The following NPHP4 variants were observed in gnomAD, a reference collection of about 807,000 sequenced individuals.
NPHP4 encodes the protein nephrocystin-4.
A neutral mutation model predicts 155.8 loss-of-function variants in NPHP4; 151 were observed. The observed-to-expected ratio is 0.97, with a 90% CI of 0.85 to 1.11. The LOEUF (loss-of-function observed/expected upper bound fraction) is 1.11, where lower values mean the gene tolerates loss of function less well. Ranked by LOEUF, NPHP4 falls within the 50% of genes least tolerant of loss-of-function variation. The pLI, the probability that NPHP4 is intolerant of heterozygous loss-of-function variation, is 0.00. For synonymous variants in NPHP4, 845 were observed against 816.8 expected, an observed-to-expected ratio of 1.03 and a Z score of -0.59; for missense variants, 1,956 against 1,925.7, an observed-to-expected ratio of 1.02 and a Z score of -0.29.
chr1:5,900,612 A>G (rs2101060741), intron 16 of NPHP4, among the ~76,000 whole-genome samples: 1 of 152,340 alleles, frequency 6.6e-6, no homozygotes, highest in Middle Eastern at 3.4e-3. Flanking sequence ...TGTATGATCC[A>G]TCATGGTGGA....
Position 5,905,265 on chromosome 1 carries a change from T to A in NPHP4, c.1955+27A>T, listed in dbSNP as rs1327034674. 2 of 1,570,248 alleles carry A rather than the reference T, an allele frequency of 1.3e-6. No individual in the cohort carries two copies. Among genetic ancestry groups the A allele is most frequent in the East Asian group, 2.2e-5 (1 of 44,614 alleles). On this transcript the variant is annotated intron_variant, in intron 15 of 29. Transcript: ENST00000378156. The surrounding 1 kb of genome is among the most constrained non-coding windows in gnomAD (Gnocchi z 4.0). The stretch of plus-strand genomic sequence containing the variant: ...CAACACAGGAAATGTGAAAGCCAGA[T>A]GAGTAACAGAATATTCAAGGATTTA...
At chr1:5,917,157 A>G (rs1557731333) in intron 11 of NPHP4, among the ~76,000 whole-genome samples, 1 of 151,964 alleles carries the variant, frequency 6.6e-6, no homozygotes, top group African/African-American at 2.4e-5. Context: ...CCAGCCCTTA[A>G]CCATACAGTC....
intron 10 of NPHP4, among the ~76,000 whole-genome samples, chr1:5,932,609 A>C (rs1646332178): frequency 6.6e-6 from 1 of 151,188 alleles, no homozygotes; most frequent in Non-Finnish European, 1.5e-5. Flanking sequence ...ACTTCGCTCT[A>C]CTTGTTTTTG....
Position 5,927,648 on chromosome 1 carries a change from C to A in NPHP4, c.1441+1G>T. 6.2e-7 allele frequency: 1 copy of A among 1,604,068 alleles called. No individual in the cohort carries two copies. Among genetic ancestry groups the A allele is most frequent in the Non-Finnish European group, 8.5e-7 (1 of 1,171,952 alleles). ...CCAGTCAGCTCTCTGGAAACACTTACTCGAAGGGGACGTGGGTGGTTTCCT... is the reference window on the plus strand; with the variant it reads ...CCAGTCAGCTCTCTGGAAACACTTAATCGAAGGGGACGTGGGTGGTTTCCT... On this transcript the variant is annotated splice_donor_variant, in intron 11 of 29. Coordinates refer to ENST00000378156, the MANE Select transcript of NPHP4 (RefSeq NM_015102.5). LOFTEE classifies it high-confidence loss of function.
chr1:5,945,892 ATC>A (rs1214433065), intron 9 of NPHP4, among the ~76,000 whole-genome samples: 1 of 148,790 alleles, frequency 6.7e-6, no homozygotes, highest in African/African-American at 2.5e-5. Context: ...GTGTGATTAG[ATC>A]TGGCATTGTC....
chr1:5,949,560 C>T (rs2101960134), intron 7 of NPHP4, among the ~76,000 whole-genome samples: 1 of 152,144 alleles, frequency 6.6e-6, no homozygotes, highest in South Asian at 2.1e-4. Context: ...GCCAGCTGCT[C>T]CCAGGAAGGG....
rs1642398528 is a variant in NPHP4 at position 5,874,790 on chromosome 1, G to A, written c.3044+84C>T. ...GTCAAATCGCCCCGGCTCTCGGGCA[G>A]AATTCGAGCCAGCTCAGCAGGGGTG... On this transcript the variant is annotated intron_variant, in intron 21 of 29. Coordinates refer to ENST00000378156, the MANE Select transcript of NPHP4 (RefSeq NM_015102.5). 12 of 1,539,486 alleles carry A rather than the reference G, an allele frequency of 7.8e-6. No individual in the cohort carries two copies. In the South Asian group the frequency reaches 1.2e-4, roughly 16 times the overall value.
intron 23 of NPHP4, among the ~76,000 whole-genome samples, chr1:5,869,882 G>A (rs1641820666): frequency 6.6e-6 from 1 of 152,208 alleles, no homozygotes; most frequent in Non-Finnish European, 1.5e-5. Context: ...AGAAACCCGT[G>A]ATGTTAAATT....
At chr1:5,960,576 G>A (rs990181198) in intron 6 of NPHP4, among the ~76,000 whole-genome samples, 4 of 152,076 alleles carry the variant, frequency 2.6e-5, no homozygotes, top group Non-Finnish European at 5.9e-5. Flanking sequence ...GAACCCAGCA[G>A]GGAGTCAGTC....
intron 28 of NPHP4, 103 bp from the exon 29 acceptor site, chr1:5,864,136 AC>A: frequency 7.5e-7 from 1 of 1,333,102 alleles, no homozygotes; most frequent in Non-Finnish European, 1.0e-6. Flanking sequence ...GTGCACGGGG[AC>A]CCCCACAGAG....
intron 11 of NPHP4, among the ~76,000 whole-genome samples, chr1:5,917,282 C>A (rs1645523606): frequency 6.6e-6 from 1 of 152,154 alleles, no homozygotes; most frequent in South Asian, 2.1e-4. Context: ...ACTGGAACAA[C>A]TGAGTCAATC....
At chr1:5,904,539 T>C (rs1644821231) in intron 16 of NPHP4, 78 bp downstream of exon 16, 1 of 1,160,264 alleles carries the variant, frequency 8.6e-7, no homozygotes, top group South Asian at 1.6e-5. Context: ...ATAGTACCAC[T>C]TATTTAATAA....
chr1:5,908,019 A>G (rs1239640144), intron 12 of NPHP4, among the ~76,000 whole-genome samples: 1 of 152,208 alleles, frequency 6.6e-6, no homozygotes, highest in African/African-American at 2.4e-5. Flanking sequence ...CACAGCCAGC[A>G]CCTGAGACAT....
intron 11 of NPHP4, among the ~76,000 whole-genome samples, chr1:5,921,330 T>C (rs919644057): frequency 1.1e-3 from 164 of 152,376 alleles, no homozygotes; most frequent in African/African-American, 3.6e-3. Context: ...CTTATACACA[T>C]GAACCGGTTG....
At chr1:5,896,012 T>C (rs992981577) in intron 16 of NPHP4, among the ~76,000 whole-genome samples, 1 of 152,082 alleles carries the variant, frequency 6.6e-6, no homozygotes, top group African/African-American at 2.4e-5. Flanking sequence ...GGCTATGACA[T>C]TAACTGAAAA....
intron 11 of NPHP4, among the ~76,000 whole-genome samples, chr1:5,911,260 C>T (rs1645166148): frequency 6.6e-6 from 1 of 152,204 alleles, no homozygotes; most frequent in African/African-American, 2.4e-5. Context: ...GTACGGCAAA[C>T]CCCTGCCCAC....
At chr1:5,967,844 A>G (rs1651816107) in intron 4 of NPHP4, among the ~76,000 whole-genome samples, 1 of 152,096 alleles carries the variant, frequency 6.6e-6, no homozygotes, top group Admixed American at 6.5e-5. Context: ...AACATCCTAC[A>G]GCACAGACGA....
intron 5 of NPHP4, among the ~76,000 whole-genome samples, chr1:5,964,941 A>ATATATATATATTTTTTTTTT: frequency 1.7e-5 from 1 of 59,422 alleles, no homozygotes; most frequent in African/African-American, 8.5e-5. Flanking sequence ...ATATATATAT[A>ATATATATATATTTTTTTTTT]TTTTTTTTTT....
chr1:5,982,106 TC>T, intron 2 of NPHP4, among the ~76,000 whole-genome samples: 1 of 152,288 alleles, frequency 6.6e-6, no homozygotes, highest in South Asian at 2.1e-4. Context: ...GTCTGTGTTT[TC>T]TTTTTTTTTT....
Sources: gnomAD v4.1 joint callset for allele counts (sites outside exome capture counted in the v4.1 genomes callset) on GRCh38, gnomAD v4.1.1 for gene constraint, Gnocchi (gnomAD v3.1) non-coding constraint, MANE v1.5 for transcripts, NCBI Gene and HGNC (gene_info 2026-07-23, HGNC 2026-07-21) for gene names.